Variants in LDLRAD3 observed in about 807,000 individuals in gnomAD.
The protein encoded by LDLRAD3 is low-density lipoprotein receptor class A domain-containing protein 3.
A neutral mutation model predicts 29.4 loss-of-function variants in LDLRAD3; 20 were observed. The observed-to-expected ratio is 0.68, with a 90% confidence interval of 0.48 to 0.99. LDLRAD3 has a LOEUF of 0.99. LDLRAD3 is among the 50% of genes least tolerant of loss of function. The probability of loss-of-function intolerance (pLI) is 0.00; values close to 1 mark genes in which losing one functional copy is unlikely to be tolerated. For missense variants in LDLRAD3, 420 were observed against 454.3 expected, an observed-to-expected ratio of 0.92 and a Z score of 0.69; for synonymous variants, 157 against 192.7, an observed-to-expected ratio of 0.81 and a Z score of 1.53.
chr11:36,185,891 C>T (rs563012762), intron 4 of LDLRAD3, among the ~76,000 whole-genome samples: 18 of 152,130 alleles, frequency 1.2e-4, no homozygotes, highest in Non-Finnish European at 2.5e-4. Context: ...CTAAGAGACG[C>T]CTTTGTGACC....
Position 35,944,073 on chromosome 11 carries a change from CG to C in LDLRAD3, c.-23del. 9.3e-7 allele frequency: 1 copy of C among 1,074,818 alleles called. No individual in the cohort carries two copies. Among genetic ancestry groups the C allele is most frequent in the Non-Finnish European group, 1.1e-6 (1 of 888,314 alleles). 66.6% of individuals were successfully genotyped at this position (1,074,818 alleles called of 1,614,324 possible). On this transcript the variant is annotated 5_prime_UTR_variant, in exon 1 of 6. Transcript: ENST00000315571. This position sits in a 1 kb window ranked among gnomAD's most constrained non-coding sequence, Gnocchi z 4.9. Reference sequence around the variant, plus strand: ...GAGGCCGCGGGGGCAGCAACGACGCCGGGCAGCGGGAGCGGCGGCCGCGCCA... The same window carrying C: ...GAGGCCGCGGGGGCAGCAACGACGCCGGCAGCGGGAGCGGCGGCCGCGCCA...
chr11:36,149,242 G>A (rs556956234), intron 4 of LDLRAD3, among the ~76,000 whole-genome samples: 16 of 152,314 alleles, frequency 1.1e-4, no homozygotes, highest in African/African-American at 3.4e-4. Flanking sequence ...TGGGAGGGGA[G>A]AAGACATCAG....
At chr11:36,040,298 GA>G (rs756578160) in intron 2 of LDLRAD3, among the ~76,000 whole-genome samples, 3 of 151,528 alleles carry the variant, frequency 2.0e-5, no homozygotes, top group Non-Finnish European at 4.4e-5. Context: ...CAGACAGGAA[GA>G]TTTTTTTTTT....
At position 36,045,394 on chromosome 11, in the gene LDLRAD3, A is replaced by G. The variant is rs561701557; in HGVS notation, c.193+9145A>G. 2.2e-4 allele frequency among the ~76,000 whole-genome samples: 33 copies of G among 152,336 alleles called. No homozygotes were observed. In the South Asian group the frequency reaches 3.3e-3, roughly 15 times the overall value. ...CAACATACCACAAACTGGGTGGCTT[A>G]GAACAACAGATATTTATTCTTTCAC... On this transcript the variant is annotated intron_variant, in intron 2 of 5. Coordinates refer to ENST00000315571, the MANE Select transcript of LDLRAD3 (RefSeq NM_174902.4).
At chr11:36,177,653 G>A (rs1854699011) in intron 4 of LDLRAD3, among the ~76,000 whole-genome samples, 1 of 152,218 alleles carries the variant, frequency 6.6e-6, no homozygotes, top group Non-Finnish European at 1.5e-5. Flanking sequence ...CCTGCAGAGA[G>A]TCAAAGAGTC....
chr11:35,957,537 C>T (rs1454230578), intron 1 of LDLRAD3, among the ~76,000 whole-genome samples: 1 of 152,070 alleles, frequency 6.6e-6, no homozygotes, highest in Non-Finnish European at 1.5e-5. Context: ...TGGCTCATGC[C>T]TGTTATCCCA....
At chr11:35,972,666 C>T (rs972756016) in intron 1 of LDLRAD3, 12 of 152,140 alleles carry the variant, frequency 7.9e-5, no homozygotes, top group African/African-American at 2.7e-4. Flanking sequence ...CTGTAGCATA[C>T]CATGCATCCT....
intron 2 of LDLRAD3, among the ~76,000 whole-genome samples, chr11:36,081,021 G>C (rs1590251311): frequency 6.6e-6 from 1 of 152,132 alleles, no homozygotes; most frequent in Non-Finnish European, 1.5e-5. Flanking sequence ...TGTACTGTTT[G>C]CATAAACAGT....
chr11:36,125,680 T>C lies in LDLRAD3; in HGVS notation c.454+27219T>C, dbSNP rs187242289. ...TTTAAGGTGTGCTGATCTCCACTACTCGGCACCCAACTGCCCAAACAGTGC... is the reference window on the plus strand; with the variant it reads ...TTTAAGGTGTGCTGATCTCCACTACCCGGCACCCAACTGCCCAAACAGTGC... On this transcript the variant is annotated intron_variant, in intron 4 of 5. Coordinates refer to ENST00000315571, the MANE Select transcript of LDLRAD3 (RefSeq NM_174902.4). Among the ~76,000 whole-genome samples the C allele has an allele frequency of 3.4e-3, 522 of 152,306 alleles. 2 individuals are homozygous for C. The highest frequency in any genetic ancestry group is 0.012 in the African/African-American group (492 of 41,568).
chr11:36,171,069 G>A (rs1854592753), intron 4 of LDLRAD3, among the ~76,000 whole-genome samples: 1 of 151,964 alleles, frequency 6.6e-6, no homozygotes, highest in Admixed American at 6.6e-5. Context: ...CAAAGTGCTG[G>A]GATTATAGGC....
At chr11:36,143,605 C>T (rs1854118905) in intron 4 of LDLRAD3, among the ~76,000 whole-genome samples, 1 of 152,162 alleles carries the variant, frequency 6.6e-6, no homozygotes, top group Non-Finnish European at 1.5e-5. Context: ...TCCAGCCTTC[C>T]TAAGTGTATT....
At chr11:36,194,928 A>G in intron 4 of LDLRAD3, among the ~76,000 whole-genome samples, 1 of 152,308 alleles carries the variant, frequency 6.6e-6, no homozygotes, top group South Asian at 2.1e-4. Flanking sequence ...GTAGTCTAAA[A>G]TAATTAACAG....
At chr11:36,070,648 A>G (rs1048587064) in intron 2 of LDLRAD3, among the ~76,000 whole-genome samples, 1 of 152,196 alleles carries the variant, frequency 6.6e-6, no homozygotes, top group Non-Finnish European at 1.5e-5. Context: ...CGGTCAGAGC[A>G]GGATGTTCAC....
At chr11:35,993,039 T>C (rs1851709184) in intron 1 of LDLRAD3, among the ~76,000 whole-genome samples, 1 of 152,210 alleles carries the variant, frequency 6.6e-6, no homozygotes. Flanking sequence ...ATCCACACTT[T>C]TATGGATTCC....
chr11:36,172,410 G>A lies in LDLRAD3; in HGVS notation c.455-54675G>A, dbSNP rs1010690548. Among the ~76,000 whole-genome samples, 4 of 151,782 alleles carry A rather than the reference G, an allele frequency of 2.6e-5. No individual in the cohort carries two copies. In the South Asian group the frequency reaches 6.3e-4, roughly 24 times the overall value. ...GCATCCTTGTCTTGTTCCAGTTCTCGGGGGGACTGCTTTCAACTATTCCCC... is the reference window on the plus strand; with the variant it reads ...GCATCCTTGTCTTGTTCCAGTTCTCAGGGGGACTGCTTTCAACTATTCCCC... On this transcript the variant is annotated intron_variant, in intron 4 of 5. Coordinates refer to ENST00000315571, the MANE Select transcript of LDLRAD3 (RefSeq NM_174902.4).
chr11:36,056,821 G>T (rs1038891311), intron 2 of LDLRAD3, among the ~76,000 whole-genome samples: 1 of 152,108 alleles, frequency 6.6e-6, no homozygotes, highest in Admixed American at 6.6e-5. Context: ...AATATGTCTG[G>T]CAGGAGGGTA....
At chr11:35,947,937 G>C (rs1269628993) in intron 1 of LDLRAD3, among the ~76,000 whole-genome samples, 1 of 152,184 alleles carries the variant, frequency 6.6e-6, no homozygotes, top group Non-Finnish European at 1.5e-5. Flanking sequence ...AGAGACATCA[G>C]CTTTCTTTGC....
At chr11:36,191,538 G>GTCTCTC (rs751965155) in intron 4 of LDLRAD3, among the ~76,000 whole-genome samples, 2,520 of 55,494 alleles carry the variant, frequency 0.045, 117 homozygotes, top group Non-Finnish European at 0.057. Context: ...GCAAGACCCT[G>GTCTCTC]TCTCTCTCTC....
intron 3 of LDLRAD3, among the ~76,000 whole-genome samples, chr11:36,083,628 C>T (rs1166975286): frequency 6.6e-6 from 1 of 151,996 alleles, no homozygotes; most frequent in Non-Finnish European, 1.5e-5. Context: ...TGATTTTGGA[C>T]TTACAATATA....
Sources: allele counts gnomAD v4.1 joint callset (sites outside exome capture counted in the v4.1 genomes callset), GRCh38; gene constraint gnomAD v4.1.1; non-coding constraint Gnocchi (gnomAD v3.1); transcripts MANE v1.5; gene names NCBI Gene and HGNC (gene_info 2026-07-23, HGNC 2026-07-21).